Variants in BRWD1 observed in about 807,000 individuals in gnomAD.
BRWD1 encodes bromodomain and WD repeat domain containing 1.
Under a neutral mutation model 251.2 loss-of-function variants are expected in BRWD1, and 82 were observed. The ratio of observed to expected loss-of-function variants is 0.33; its 90% CI spans 0.27 to 0.39. BRWD1 has a LOEUF of 0.39. Among genes scored for constraint, BRWD1 ranks in the 10% least tolerant of loss-of-function variants. The pLI is 1.00. For synonymous variants in BRWD1, 918 were observed against 902.8 expected (o/e 1.02, Z -0.30); for missense variants, 2,233 against 2,711.6 (o/e 0.82, Z 3.92).
At position 39,212,656 on chromosome 21, in the gene BRWD1, A is replaced by C. The variant is rs539723282; in HGVS notation, c.3900+10T>G. 2 of 1,553,808 alleles carry C rather than the reference A, an allele frequency of 1.3e-6. No individual in the cohort carries two copies. The highest frequency in any genetic ancestry group is 2.7e-5 in the African/African-American group (2 of 72,744). The stretch of plus-strand genomic sequence containing the variant: ...GAAACTACAAAAGTCAACCATGCAG[A>C]GTAACTTACTCTCCTCCTTCCAGAA... On this transcript the variant is annotated intron_variant, in intron 34 of 40. Coordinates refer to ENST00000342449, the MANE Select transcript of BRWD1 (RefSeq NM_033656.4).
chr21:39,272,555 C>T (rs1343906025), intron 13 of BRWD1, among the ~76,000 whole-genome samples: 1 of 149,216 alleles, frequency 6.7e-6, no homozygotes, highest in African/African-American at 2.5e-5. Context: ...GGAATAAAGG[C>T]AAAGACTCCA....
intron 8 of BRWD1, among the ~76,000 whole-genome samples, chr21:39,289,354 C>T (rs969302925): frequency 2.6e-5 from 4 of 152,254 alleles, no homozygotes; most frequent in East Asian, 1.9e-4. Context: ...CTGAAGTTAC[C>T]GCCTCCTGAT....
rs1601222845 is a variant in BRWD1 at position 39,192,109 on chromosome 21, T to C, written c.*4150A>G. 1.0e-6 allele frequency: 1 copy of C among 985,104 alleles called. No homozygotes were observed. The allele number at this position is 985,104 out of a possible 1,614,324, so 61.0% of individuals were successfully genotyped here. ...ATTTTTCTACCAATTTAACAATATATTAGGAACCAGCTTGGCAGATTATGA... is the reference window on the plus strand; with the variant it reads ...ATTTTTCTACCAATTTAACAATATACTAGGAACCAGCTTGGCAGATTATGA... On this transcript the variant is annotated 3_prime_UTR_variant, in exon 41 of 41. Transcript: ENST00000342449.
At position 39,192,768 on chromosome 21, in the gene BRWD1, C is replaced by T. The variant is rs1046289; in HGVS notation, c.*3491G>A. On this transcript the variant is annotated 3_prime_UTR_variant, in exon 41 of 41. Transcript: ENST00000342449. Reference sequence around the variant, plus strand: ...GAGTGGAAAGGAAAACAAAAAAGATCGTAAGCACCTTTAACAATGTTCTTG... The same window carrying T: ...GAGTGGAAAGGAAAACAAAAAAGATTGTAAGCACCTTTAACAATGTTCTTG... 123,394 of 984,738 alleles carry T rather than the reference C, an allele frequency of 0.13. 8,088 individuals are homozygous for T. The highest frequency in any genetic ancestry group is 0.14 in the East Asian group (1,260 of 8,806). The allele number at this position is 984,738 out of a possible 1,614,324, so 61.0% of individuals were successfully genotyped here.
At chr21:39,291,327 G>T (rs77217252) in intron 8 of BRWD1, among the ~76,000 whole-genome samples, 13,017 of 152,192 alleles carry the variant, frequency 0.086, 750 homozygotes, top group Non-Finnish European at 0.12. Flanking sequence ...TCTAATGAGA[G>T]ATACCAATGT....
At chr21:39,202,983 A>T in intron 37 of BRWD1, among the ~76,000 whole-genome samples, 1 of 152,226 alleles carries the variant, frequency 6.6e-6, no homozygotes, top group East Asian at 1.9e-4. Flanking sequence ...TAAACAGGAA[A>T]AGTTAAAAAA....
At chr21:39,222,357 T>C (rs2033212050) in intron 29 of BRWD1, among the ~76,000 whole-genome samples, 1 of 152,126 alleles carries the variant, frequency 6.6e-6, no homozygotes, top group Non-Finnish European at 1.5e-5. Context: ...ACAAGAAATA[T>C]CTTGGTTTCT....
chr21:39,263,369 C>T (rs1036809286), intron 17 of BRWD1, among the ~76,000 whole-genome samples: 3 of 151,934 alleles, frequency 2.0e-5, no homozygotes, highest in Admixed American at 6.6e-5. Context: ...CACTTGGCTA[C>T]GACAGAGAAA....
Position 39,199,097 on chromosome 21 carries a change from A to C in BRWD1, c.5319T>G (p.Ala1773=), listed in dbSNP as rs1348716706. Residue 1773 remains alanine, a synonymous_variant, in exon 40 of 41, where the codon GCT becomes GCG. Coordinates refer to ENST00000342449, the MANE Select transcript of BRWD1 (RefSeq NM_033656.4). ...GTTTCTGCACAGACGTTGATGGGCC[A>C]GCAGTTCTGTTACATGCATGATCTG... is the stretch of plus-strand genomic sequence containing the variant. ...HDSDHACNRT[A]GPSTSVQKLK... 4 of 1,613,976 alleles carry C rather than the reference A, an allele frequency of 2.5e-6. No homozygotes were observed. In the African/African-American group the frequency reaches 4.0e-5, roughly 16 times the overall value.
rs982280454 is a variant in BRWD1, at chr21:39,233,546, CA to C, written c.2767-1049del. ...TAAACGTAGCAATAACACACACACACAAAAAAAAAGCACCTTAAAATTCCTT... is the reference window on the plus strand; with the variant it reads ...TAAACGTAGCAATAACACACACACACAAAAAAAAGCACCTTAAAATTCCTT... On this transcript the variant is annotated intron_variant, in intron 23 of 40. Coordinates refer to ENST00000342449, the MANE Select transcript of BRWD1 (RefSeq NM_033656.4). 7.7e-4 allele frequency among the ~76,000 whole-genome samples: 116 copies of C among 150,384 alleles called. 2 individuals carry two copies. The highest frequency in any genetic ancestry group is 5.3e-3 in the East Asian group (27 of 5,140).
In BRWD1 at chr21:39,295,811, T is replaced by C; in HGVS notation, c.541A>G (p.Arg181Gly). Residue 181 changes from arginine (R) to glycine (G), a missense_variant, in exon 7 of 41, where the codon AGG (arginine) becomes GGG (glycine). This residue lies in a region of BRWD1 where 185 missense variants were observed against 260.6 expected (regional missense o/e 0.71). Transcript: ENST00000342449. Reference protein sequence around the residue: ...TMYQHIKMHRRILGHLSAVYC... With the variant: ...TMYQHIKMHRGILGHLSAVYC... ...ACAGCAGATAGATGTCCGAGAATCC[T>C]TCTGTGCATTTTTATATGCTGATAC... 2 of 1,612,556 alleles carry C rather than the reference T, an allele frequency of 1.2e-6. No individual in the cohort carries two copies. Among genetic ancestry groups the C allele is most frequent in the Non-Finnish European group, 8.5e-7 (1 of 1,179,022 alleles).
At chr21:39,274,540 A>C in intron 12 of BRWD1, 68 bp from the exon 13 acceptor site, 1 of 1,228,504 alleles carries the variant, frequency 8.1e-7, no homozygotes, top group Non-Finnish European at 1.2e-6. Context: ...AATTAAAATC[A>C]CATGCAAAAA....
At chr21:39,241,108 G>GCCAC (rs1169616547) in intron 21 of BRWD1, among the ~76,000 whole-genome samples, 4 of 149,990 alleles carry the variant, frequency 2.7e-5, no homozygotes, top group Non-Finnish European at 4.4e-5. Context: ...ACAGCCTTCA[G>GCCAC]CCACCCAGCC....
At chr21:39,246,957 A>T (rs34433511) in intron 21 of BRWD1, among the ~76,000 whole-genome samples, 2 of 151,918 alleles carry the variant, frequency 1.3e-5, no homozygotes, top group Non-Finnish European at 2.9e-5. Context: ...ACTCACCTGT[A>T]GCCCCAGCTA....
rs147002940 is a variant in BRWD1 at position 39,283,680 on chromosome 21, T to C, written c.832-3432A>G. Among the ~76,000 whole-genome samples, 5 of 152,322 alleles carry C rather than the reference T, an allele frequency of 3.3e-5. No homozygotes were observed. In the East Asian group the frequency reaches 9.6e-4, roughly 29 times the overall value. On this transcript the variant is annotated intron_variant, in intron 8 of 40. Transcript: ENST00000342449. ...GAAGTTTTAAGAGTTGCGATTTGTT[T>C]TTGTTTTTTTAGTGTCCAACAGGTA...
rs977844345 is a variant in BRWD1, at chr21:39,192,215, T to G, written c.*4044A>C. ...CTGTAATTTAACAGCCTTTAAAACT[T>G]AAAATCGTAAGAAAAGACAACACAG... On this transcript the variant is annotated 3_prime_UTR_variant, in exon 41 of 41. Coordinates refer to ENST00000342449, the MANE Select transcript of BRWD1 (RefSeq NM_033656.4). 1 of 984,436 alleles carries G rather than the reference T, an allele frequency of 1.0e-6. No individual in the cohort carries two copies. The highest frequency in any genetic ancestry group is 1.8e-5 in the African/African-American group (1 of 56,944). 61.0% of individuals were successfully genotyped at this position (984,436 alleles called of 1,614,324 possible). A position where few individuals can be genotyped will look rare whatever the true frequency, so the allele number is the denominator to read the frequency against.
intron 8 of BRWD1, among the ~76,000 whole-genome samples, chr21:39,281,964 A>C (rs894619052): frequency 6.6e-6 from 1 of 151,546 alleles, no homozygotes; most frequent in East Asian, 1.9e-4. Flanking sequence ...ACATATATGT[A>C]TACATATAAA....
At chr21:39,295,175 GTTTTTTTTTTTTTTTTT>G (rs869129436) in intron 7 of BRWD1, among the ~76,000 whole-genome samples, 2 of 64,670 alleles carry the variant, frequency 3.1e-5, no homozygotes, top group African/African-American at 1.0e-4. Context: ...GTATGTCTAT[GTTTTTTTTTTTTTTTTT>G]TTTTTTTTTT....
chr21:39,230,281 C>T (rs1428169060), intron 25 of BRWD1, among the ~76,000 whole-genome samples: 2 of 152,156 alleles, frequency 1.3e-5, no homozygotes, highest in Non-Finnish European at 2.9e-5. Flanking sequence ...CATAGTCAAC[C>T]TTCCCCCCAG....
Sources: allele counts gnomAD v4.1 joint callset (sites outside exome capture counted in the v4.1 genomes callset), GRCh38; gene constraint gnomAD v4.1.1; regional missense constraint gnomAD v4.1.1; transcripts MANE v1.5; gene names NCBI Gene and HGNC (gene_info 2026-07-23, HGNC 2026-07-21).